BACH1: variants seen among roughly 807,000 people sequenced by gnomAD.
BACH1 encodes transcription regulator protein BACH1.
In BACH1, 35 loss-of-function variants were observed where a neutral mutation model predicts 52.9. That is an observed-to-expected ratio of 0.66 (90% CI 0.51 to 0.88). The LOEUF is 0.88. BACH1 is among the 40% of genes least tolerant of loss of function. The pLI is 0.00. For synonymous variants in BACH1, 321 were observed against 319.6 expected, an observed-to-expected ratio of 1.00 and a Z score of -0.05; for missense variants, 808 against 872.6, an observed-to-expected ratio of 0.93 and a Z score of 0.93.
chr21:29,302,250 T>C (rs1006861323), intron 1 of BACH1, among the ~76,000 whole-genome samples: 7 of 152,230 alleles, frequency 4.6e-5, no homozygotes, highest in Non-Finnish European at 7.3e-5. Context: ...AATGAGGTAA[T>C]GTACCGATGG....
At chr21:29,317,582 TG>T (rs1304947812) in intron 1 of BACH1, among the ~76,000 whole-genome samples, 1 of 152,138 alleles carries the variant, frequency 6.6e-6, no homozygotes, top group Non-Finnish European at 1.5e-5. Flanking sequence ...GAGATAAGTC[TG>T]GATTAATGGA....
Position 29,327,229 on chromosome 21 carries a change from A to G in BACH1, c.1405A>G (p.Thr469Ala). Reference sequence around the variant, plus strand: ...CTGCCCTTTTATAAGTACTCTGAGTACTGAAGGCTGTTCAAGCAATTTGGA... The same window carrying G: ...CTGCCCTTTTATAAGTACTCTGAGTGCTGAAGGCTGTTCAAGCAATTTGGA... ...VNCPFISTLS[T>A]EGCSSNLEIG... The change falls in exon 3 of 5, where the codon ACT (threonine) becomes GCT (alanine). Residue 469 changes from threonine to alanine, a missense_variant. Transcript: ENST00000286800. 1 of 1,614,226 alleles carries G rather than the reference A, an allele frequency of 6.2e-7. No individual in the cohort carries two copies. The highest frequency in any genetic ancestry group is 8.5e-7 in the Non-Finnish European group (1 of 1,180,044).
intron 1 of BACH1, among the ~76,000 whole-genome samples, chr21:29,320,072 G>A (rs2088830713): frequency 6.6e-6 from 1 of 152,104 alleles, no homozygotes; most frequent in Non-Finnish European, 1.5e-5. Flanking sequence ...CCTTAACCTT[G>A]GGACTGAACT....
chr21:29,333,757 T>C (rs1467932682), intron 4 of BACH1, among the ~76,000 whole-genome samples: 2 of 152,214 alleles, frequency 1.3e-5, no homozygotes, highest in Non-Finnish European at 2.9e-5. Flanking sequence ...GAATAATTAT[T>C]CTAAAATGTT....
chr21:29,329,352 T>G, intron 3 of BACH1, 135 bp from the exon 4 acceptor site: 3 of 626,640 alleles, frequency 4.8e-6, no homozygotes, highest in Admixed American at 3.7e-5. Context: ...TGTATAGAAA[T>G]TGGGATAGAG....
At chr21:29,312,225 A>G (rs1057337790) in intron 1 of BACH1, among the ~76,000 whole-genome samples, 15 of 152,128 alleles carry the variant, frequency 9.9e-5, no homozygotes, top group African/African-American at 3.6e-4. Flanking sequence ...GGGAATTTTC[A>G]TTCTTTGCTT....
intron 4 of BACH1, among the ~76,000 whole-genome samples, chr21:29,337,270 A>G (rs946454093): frequency 6.6e-6 from 1 of 152,214 alleles, no homozygotes; most frequent in Non-Finnish European, 1.5e-5. Flanking sequence ...TGGAAAGCCT[A>G]CCTGCTGCTG....
intron 1 of BACH1, among the ~76,000 whole-genome samples, chr21:29,317,210 T>C (rs1438358274): frequency 6.6e-6 from 1 of 152,218 alleles, no homozygotes; most frequent in Non-Finnish European, 1.5e-5. Flanking sequence ...CCCGCCCATG[T>C]GGGGAAAATT....
chr21:29,330,884 A>G (rs1271509659), intron 4 of BACH1, among the ~76,000 whole-genome samples: 1 of 151,796 alleles, frequency 6.6e-6, no homozygotes, highest in South Asian at 2.1e-4. Context: ...TAACTATATT[A>G]AAGAGATGAA....
chr21:29,355,061 C>T (rs1457820016), intron 2 of BACH1, among the ~76,000 whole-genome samples: 5 of 152,188 alleles, frequency 3.3e-5, no homozygotes, highest in African/African-American at 4.8e-5. Context: ...GGAAGGGGAC[C>T]GGAGCGGGTT....
intron 1 of BACH1, among the ~76,000 whole-genome samples, chr21:29,304,780 A>G (rs2088637506): frequency 6.6e-6 from 1 of 152,204 alleles, no homozygotes; most frequent in Admixed American, 6.5e-5. Context: ...AGGGCGACCT[A>G]TCCACCCAAC....
chr21:29,339,050 C>T (rs2089079582), intron 4 of BACH1, among the ~76,000 whole-genome samples: 1 of 152,186 alleles, frequency 6.6e-6, no homozygotes, highest in East Asian at 1.9e-4. Flanking sequence ...TCAAACCAGT[C>T]TTCTGTGGGT....
chr21:29,347,810 C>T (rs868759564), downstream of BACH1, among the ~76,000 whole-genome samples: 71 of 152,328 alleles, frequency 4.7e-4, no homozygotes, highest in African/African-American at 1.7e-3. Flanking sequence ...CTAATTCTCT[C>T]CTACCTCATC....
rs576811291 is a variant in BACH1 at position 29,344,283 on chromosome 21, C to T, written c.*1450C>T. 6.5e-5 allele frequency: 10 copies of T among 152,772 alleles called. No homozygotes were observed. Among genetic ancestry groups the T allele is most frequent in the African/African-American group, 2.4e-4 (10 of 41,572 alleles). 9.5% of individuals were successfully genotyped at this position (152,772 alleles called of 1,614,324 possible). ...CAAAATCAGAGGGCTGAAAGAGACACTTCTATAGACTGCATCCTGAGCCTA... is the reference window on the plus strand; with the variant it reads ...CAAAATCAGAGGGCTGAAAGAGACATTTCTATAGACTGCATCCTGAGCCTA... On this transcript the variant is annotated 3_prime_UTR_variant, in exon 5 of 5. Transcript: ENST00000286800.
intron 4 of BACH1, among the ~76,000 whole-genome samples, chr21:29,332,046 C>T (rs966026729): frequency 6.6e-6 from 1 of 152,106 alleles, no homozygotes; most frequent in Admixed American, 6.5e-5. Flanking sequence ...AATTCTCCTG[C>T]CTCAGCCTCC....
chr21:29,310,502 C>CT (rs963420998), intron 1 of BACH1, among the ~76,000 whole-genome samples: 28 of 152,160 alleles, frequency 1.8e-4, no homozygotes, highest in African/African-American at 6.0e-4. Context: ...ATGCAGTTGG[C>CT]TATATGAGTA....
chr21:29,326,122 A>G lies in BACH1; in HGVS notation c.298A>G (p.Lys100Glu). ...CTACACTGCTAAACTGATTTTAAGT[A>G]AAGAGAATGTGGATGAAGTGTGCAA... is the stretch of plus-strand genomic sequence containing the variant. Reference protein sequence around the residue: ...FAYTAKLILSKENVDEVCKCV... With the variant: ...FAYTAKLILSEENVDEVCKCV... The change falls in exon 3 of 5, where the codon AAA becomes GAA. Residue 100 changes from lysine to glutamate, a missense_variant. Transcript: ENST00000286800. The G allele has an allele frequency of 6.2e-7, 1 of 1,614,050 alleles. No homozygotes were observed. The highest frequency in any genetic ancestry group is 1.7e-5 in the Admixed American group (1 of 60,002).
At chr21:29,353,404 C>G (rs2089214898) in intron 2 of BACH1, among the ~76,000 whole-genome samples, 1 of 152,124 alleles carries the variant, frequency 6.6e-6, no homozygotes, top group African/African-American at 2.4e-5. Flanking sequence ...TAGAATGGTA[C>G]CATCCAATTC....
At chr21:29,358,770 A>AAAAAAAGAAAGAAAGAAAG (rs1555888602) in intron 2 of BACH1, among the ~76,000 whole-genome samples, 1 of 108,890 alleles carries the variant, frequency 9.2e-6, no homozygotes, top group Non-Finnish European at 1.9e-5. Flanking sequence ...AAAAGAAAAG[A>AAAAAAAGAAAGAAAGAAAG]AAAGAAAGAA....
Sources: allele counts gnomAD v4.1 joint callset (sites outside exome capture counted in the v4.1 genomes callset), GRCh38; gene constraint gnomAD v4.1.1; transcripts MANE v1.5; gene names NCBI Gene and HGNC (gene_info 2026-07-23, HGNC 2026-07-21).